The following PCDH15 variants were observed in gnomAD, a reference collection of about 807,000 sequenced individuals.
The protein encoded by PCDH15 is protocadherin related 15.
Under a neutral mutation model 178.5 loss-of-function variants are expected in PCDH15, and 129 were observed. That is an observed-to-expected ratio of 0.72 (90% CI 0.63 to 0.84). The LOEUF is 0.84. Ranked by LOEUF, PCDH15 falls within the 40% of genes least tolerant of loss-of-function variation. PCDH15 has a pLI of 0.00. For missense variants in PCDH15, 2,230 were observed against 2,099.9 expected, an observed-to-expected ratio of 1.06 and a Z score of -1.21; for synonymous variants, 800 against 732.0, an observed-to-expected ratio of 1.09 and a Z score of -1.50.
intron 27 of PCDH15, among the ~76,000 whole-genome samples, chr10:53,862,261 G>C (rs949827692): frequency 6.6e-6 from 1 of 152,056 alleles, no homozygotes; most frequent in Admixed American, 6.6e-5. Context: ...ATGTTGGCCA[G>C]GCTGGTCTTG....
intron 2 of PCDH15, among the ~76,000 whole-genome samples, chr10:55,399,647 G>A (rs536127316): frequency 6.6e-6 from 1 of 152,126 alleles, no homozygotes; most frequent in Admixed American, 6.6e-5. Flanking sequence ...TTGATTTAGT[G>A]GAATCAAGAA....
chr10:54,198,495 CTTTTTTTT>C (rs1186240206), intron 10 of PCDH15, among the ~76,000 whole-genome samples: 1 of 31,172 alleles, frequency 3.2e-5, no homozygotes, highest in Non-Finnish European at 4.4e-5. Flanking sequence ...TCTAATTATT[CTTTTTTTT>C]TTTTTTTTTT....
intron 2 of PCDH15, among the ~76,000 whole-genome samples, chr10:54,926,410 T>G (rs980833837): frequency 2.0e-4 from 30 of 151,946 alleles, no homozygotes; most frequent in African/African-American, 5.8e-4. Flanking sequence ...CTGAAGTTTT[T>G]TTGTTGTTGT....
chr10:55,486,208 G>A (rs544545351), intron 2 of PCDH15, among the ~76,000 whole-genome samples: 68 of 151,684 alleles, frequency 4.5e-4, no homozygotes, highest in African/African-American at 1.6e-3. Context: ...ATCACCAAAC[G>A]TGAGGGTGAT....
intron 2 of PCDH15, among the ~76,000 whole-genome samples, chr10:54,544,949 A>G (rs879388558): frequency 6.6e-6 from 1 of 152,140 alleles, no homozygotes; most frequent in Non-Finnish European, 1.5e-5. Flanking sequence ...GGGATTTTCA[A>G]AATTTTTCAA....
intron 1 of PCDH15, among the ~76,000 whole-genome samples, chr10:55,253,557 A>T (rs1273193334): frequency 6.6e-6 from 1 of 152,192 alleles, no homozygotes; most frequent in Non-Finnish European, 1.5e-5. Flanking sequence ...TTACTAATAC[A>T]GAATGGGATA....
At chr10:55,095,228 T>C (rs992277367) in intron 2 of PCDH15, among the ~76,000 whole-genome samples, 3 of 151,962 alleles carry the variant, frequency 2.0e-5, no homozygotes, top group African/African-American at 7.2e-5. Flanking sequence ...AGGTGTGAGC[T>C]ACCACATCTG....
chr10:54,511,504 T>G (rs940350944), intron 3 of PCDH15, among the ~76,000 whole-genome samples: 8 of 152,174 alleles, frequency 5.3e-5, no homozygotes, highest in African/African-American at 1.9e-4. Flanking sequence ...AGAGTTTATT[T>G]TTTACAGAAA....
intron 2 of PCDH15, among the ~76,000 whole-genome samples, chr10:55,595,522 G>C (rs1842920824): frequency 6.6e-6 from 1 of 152,054 alleles, no homozygotes; most frequent in Admixed American, 6.6e-5. Context: ...CTGGGCCAAG[G>C]ACCCAGACAT....
intron 9 of PCDH15, among the ~76,000 whole-genome samples, chr10:54,229,228 G>A (rs2053798551): frequency 6.6e-6 from 1 of 152,086 alleles, no homozygotes; most frequent in African/African-American, 2.4e-5. Context: ...CGGAAATAAA[G>A]TCAGACTGAC....
intron 1 of PCDH15, among the ~76,000 whole-genome samples, chr10:55,249,125 C>T (rs1564931158): frequency 1.3e-5 from 2 of 151,974 alleles, no homozygotes; most frequent in African/African-American, 4.8e-5. Context: ...CACCAACCTC[C>T]GTATATATGA....
chr10:54,714,211 G>C (rs1206916810), intron 1 of PCDH15, among the ~76,000 whole-genome samples: 2 of 152,150 alleles, frequency 1.3e-5, no homozygotes, highest in Non-Finnish European at 2.9e-5. Context: ...TTTGAGAAAG[G>C]TGTCAGATAT....
At chr10:55,270,117 A>G (rs1403644187) in intron 1 of PCDH15, among the ~76,000 whole-genome samples, 1 of 152,104 alleles carries the variant, frequency 6.6e-6, no homozygotes, top group Non-Finnish European at 1.5e-5. Context: ...ACCTTTTACC[A>G]TATACAAAAA....
chr10:55,203,518 A>T (rs1840310527), intron 1 of PCDH15, among the ~76,000 whole-genome samples: 1 of 152,038 alleles, frequency 6.6e-6, no homozygotes, highest in African/African-American at 2.4e-5. Context: ...AGCCGACATT[A>T]GGAACAGCAG....
chr10:54,405,874 C>A (rs1316004204), intron 3 of PCDH15, among the ~76,000 whole-genome samples: 1 of 150,308 alleles, frequency 6.7e-6, no homozygotes, highest in East Asian at 2.0e-4. Flanking sequence ...GGTTTTAATT[C>A]TTTTAAAAAA....
chr10:54,923,940 C>T (rs1398583899), intron 2 of PCDH15, among the ~76,000 whole-genome samples: 1 of 137,786 alleles, frequency 7.3e-6, no homozygotes, highest in East Asian at 2.0e-4. Flanking sequence ...ATAACAAAGC[C>T]CCACTTCTCT....
intron 2 of PCDH15, among the ~76,000 whole-genome samples, chr10:55,558,313 T>G (rs1327160693): frequency 1.3e-5 from 2 of 152,156 alleles, no homozygotes; most frequent in Non-Finnish European, 2.9e-5. Flanking sequence ...TGTGATCATC[T>G]TATTTTTAAA....
chr10:55,617,571 G>A (rs1843504712), intron 2 of PCDH15, among the ~76,000 whole-genome samples: 1 of 151,974 alleles, frequency 6.6e-6, no homozygotes, highest in African/African-American at 2.4e-5. Context: ...TTCCATGGCA[G>A]GGCAATAAAC....
chr10:54,798,681 A>C (rs1952315303), intron 1 of PCDH15, among the ~76,000 whole-genome samples: 1 of 152,116 alleles, frequency 6.6e-6, no homozygotes, highest in African/African-American at 2.4e-5. Flanking sequence ...CATTTTATGA[A>C]GTAGTGTGGT....
Sources: allele counts gnomAD v4.1 joint callset (sites outside exome capture counted in the v4.1 genomes callset), GRCh38; gene constraint gnomAD v4.1.1; transcripts MANE v1.5; gene names NCBI Gene and HGNC (gene_info 2026-07-23, HGNC 2026-07-21).